ILRUN: variants seen among roughly 807,000 people sequenced by gnomAD.
ILRUN encodes inflammation and lipid regulator with UBA-like and NBR1-like domains.
In ILRUN, 3 loss-of-function variants were observed where a neutral mutation model predicts 33.8. The ratio of observed to expected loss-of-function variants is 0.09; its 90% CI spans 0.04 to 0.23. The LOEUF (loss-of-function observed/expected upper bound fraction) is 0.23, where lower values mean the gene tolerates loss of function less well. ILRUN is among the 10% of genes least tolerant of loss of function. ILRUN has a pLI of 1.00. For synonymous variants in ILRUN, 124 were observed against 138.9 expected, an observed-to-expected ratio of 0.89 and a Z score of 0.75; for missense variants, 210 against 375.1, an observed-to-expected ratio of 0.56 and a Z score of 3.64.
At position 34,661,478 on chromosome 6, in the gene ILRUN, G is replaced by C. The variant is rs192779158; in HGVS notation, c.159-6699C>G. Among the ~76,000 whole-genome samples, 647 of 152,168 alleles carry C rather than the reference G, an allele frequency of 4.3e-3. 5 individuals are homozygous for C. Among genetic ancestry groups the C allele is most frequent in the African/African-American group, 0.015 (602 of 41,516 alleles). On this transcript the variant is annotated intron_variant, in intron 1 of 4. Coordinates refer to ENST00000374023, the MANE Select transcript of ILRUN (RefSeq NM_024294.4). The stretch of plus-strand genomic sequence containing the variant: ...TGGGGGTACTGAGAAATTTGGAACT[G>C]GAACTAAGAAAGTTTCTCTCATAGT...
At chr6:34,612,381 C>T (rs1168584495) in intron 3 of ILRUN, among the ~76,000 whole-genome samples, 2 of 152,014 alleles carry the variant, frequency 1.3e-5, no homozygotes, top group African/African-American at 4.8e-5. Flanking sequence ...TACCACTGTG[C>T]TTCAGCCTGG....
At chr6:34,688,465 T>C (rs1048535696) in intron 1 of ILRUN, among the ~76,000 whole-genome samples, 3 of 142,500 alleles carry the variant, frequency 2.1e-5, no homozygotes, top group African/African-American at 5.2e-5. Flanking sequence ...CCTGAAAACA[T>C]AATGCTAAAT....
At chr6:34,631,453 G>A (rs921549036) in intron 3 of ILRUN, among the ~76,000 whole-genome samples, 3 of 151,726 alleles carry the variant, frequency 2.0e-5, no homozygotes, top group East Asian at 1.9e-4. Context: ...TCAGCCTTTC[G>A]AGTAGCAGGA....
chr6:34,681,171 C>A (rs1763351503), intron 1 of ILRUN, among the ~76,000 whole-genome samples: 1 of 151,988 alleles, frequency 6.6e-6, no homozygotes, highest in African/African-American at 2.4e-5. Flanking sequence ...TCATAAGAGG[C>A]TGACCTCTTA....
At chr6:34,648,203 T>C (rs1290575181) in intron 2 of ILRUN, among the ~76,000 whole-genome samples, 10 of 152,220 alleles carry the variant, frequency 6.6e-5, no homozygotes, top group Non-Finnish European at 1.3e-4. Flanking sequence ...TTGGAATATA[T>C]ACATTCATTA....
intron 1 of ILRUN, among the ~76,000 whole-genome samples, chr6:34,683,473 C>CACATATATAT (rs1763435754): frequency 3.1e-5 from 3 of 97,844 alleles, no homozygotes; most frequent in Non-Finnish European, 5.6e-5. Flanking sequence ...CATATATATA[C>CACATATATAT]ACATATATAT....
At chr6:34,668,969 G>C (rs757139699) in intron 1 of ILRUN, among the ~76,000 whole-genome samples, 61 of 151,340 alleles carry the variant, frequency 4.0e-4, no homozygotes, top group Admixed American at 6.6e-4. Context: ...TCAGCCTCCT[G>C]AGTAGCTGGG....
intron 1 of ILRUN, among the ~76,000 whole-genome samples, chr6:34,691,563 G>A (rs1019074984): frequency 6.6e-6 from 1 of 152,218 alleles, no homozygotes; most frequent in Non-Finnish European, 1.5e-5. Context: ...GGGAGGCCAA[G>A]GTGGGTGGAT....
chr6:34,693,599 C>T (rs1387572080), intron 1 of ILRUN, among the ~76,000 whole-genome samples: 1 of 151,936 alleles, frequency 6.6e-6, no homozygotes, highest in Non-Finnish European at 1.5e-5. Context: ...ATGTCATCAA[C>T]ATATATGCTA....
At chr6:34,631,904 T>C (rs547083088) in intron 3 of ILRUN, among the ~76,000 whole-genome samples, 2 of 151,538 alleles carry the variant, frequency 1.3e-5, no homozygotes, top group African/African-American at 2.4e-5. Flanking sequence ...TTACCTCAAT[T>C]AAAAAAAAAT....
At chr6:34,642,697 G>C (rs1762495973) in intron 3 of ILRUN, among the ~76,000 whole-genome samples, 1 of 149,760 alleles carries the variant, frequency 6.7e-6, no homozygotes, top group African/African-American at 2.4e-5. Flanking sequence ...AATAATAACA[G>C]TGTTCTGAGA....
At chr6:34,597,172 T>G (rs980491659) in intron 4 of ILRUN, among the ~76,000 whole-genome samples, 5 of 152,202 alleles carry the variant, frequency 3.3e-5, no homozygotes, top group African/African-American at 1.2e-4. Flanking sequence ...AACACATTAT[T>G]CAAAGTTTCT....
At chr6:34,653,796 G>C (rs897205817) in intron 2 of ILRUN, among the ~76,000 whole-genome samples, 2 of 151,758 alleles carry the variant, frequency 1.3e-5, no homozygotes, top group Non-Finnish European at 2.9e-5. Context: ...AACACAGGAA[G>C]ACTCCATCTC....
intron 3 of ILRUN, among the ~76,000 whole-genome samples, chr6:34,633,235 A>G (rs765293178): frequency 2.0e-5 from 3 of 147,764 alleles, no homozygotes; most frequent in Non-Finnish European, 3.0e-5. Flanking sequence ...AGATAATGCT[A>G]ATATGTTATG....
At chr6:34,662,124 CAAAAAAAAAAAAAAAAAA>C (rs57423564) in intron 1 of ILRUN, among the ~76,000 whole-genome samples, 2,616 of 40,020 alleles carry the variant, frequency 0.065, 88 homozygotes, top group African/African-American at 0.13. Context: ...GACTCCGTCT[CAAAAAAAAAAAAAAAAAA>C]AAAAAAAAAA....
chr6:34,654,511 T>C (rs969741977), intron 2 of ILRUN, 114 bp downstream of exon 2: 16 of 1,068,548 alleles, frequency 1.5e-5, no homozygotes, highest in East Asian at 2.4e-5. Context: ...ATATCATGTG[T>C]AAGAGAAAGC....
At chr6:34,645,405 C>T (rs528475647) in intron 3 of ILRUN, among the ~76,000 whole-genome samples, 1 of 152,212 alleles carries the variant, frequency 6.6e-6, no homozygotes, top group Non-Finnish European at 1.5e-5. Context: ...GACAGGCGCT[C>T]ACTCTGTAAT....
chr6:34,615,103 A>T (rs772529579), intron 3 of ILRUN, among the ~76,000 whole-genome samples: 23 of 152,314 alleles, frequency 1.5e-4, no homozygotes, highest in Middle Eastern at 6.8e-3. Flanking sequence ...TAAAGTCTGG[A>T]GTTTAATTAA....
At chr6:34,650,867 G>A (rs111838809) in intron 2 of ILRUN, among the ~76,000 whole-genome samples, 211 of 152,260 alleles carry the variant, frequency 1.4e-3, no homozygotes, top group African/African-American at 4.7e-3. Flanking sequence ...TGCCCAGCAC[G>A]CCTAAAACAT....
Sources: allele counts gnomAD v4.1 joint callset (sites outside exome capture counted in the v4.1 genomes callset), GRCh38; gene constraint gnomAD v4.1.1; transcripts MANE v1.5; gene names NCBI Gene and HGNC (gene_info 2026-07-23, HGNC 2026-07-21).